SPIRE2: variants seen among roughly 807,000 people sequenced by gnomAD.
The protein encoded by SPIRE2 is protein spire homolog 2.
SPIRE2 carries 76 observed loss-of-function variants against 80.7 expected under a neutral mutation model. The ratio of observed to expected loss-of-function variants is 0.94; its 90% CI spans 0.78 to 1.14. SPIRE2 has a LOEUF of 1.14. Among genes scored for constraint, SPIRE2 ranks in the 50% most tolerant of loss-of-function variants. The pLI is 0.00. For missense variants in SPIRE2, 1,196 were observed against 1,015.3 expected (o/e 1.18, Z -2.42); for synonymous variants, 535 against 432.6 (o/e 1.24, Z -2.94).
At chr16:89,861,188 C>G (rs970216221) in intron 10 of SPIRE2, among the ~76,000 whole-genome samples, 1 of 152,198 alleles carries the variant, frequency 6.6e-6, no homozygotes, top group Admixed American at 6.5e-5. Context: ...CCTCTGCCCT[C>G]GGTTTCTTAT....
intron 1 of SPIRE2, among the ~76,000 whole-genome samples, chr16:89,839,965 T>G (rs2041488653): frequency 6.6e-6 from 1 of 152,228 alleles, no homozygotes; most frequent in Admixed American, 6.5e-5. Flanking sequence ...TGCGTGAGAT[T>G]GAGCAGGAGT....
At chr16:89,840,454 T>G (rs1449453751) in intron 1 of SPIRE2, among the ~76,000 whole-genome samples, 1 of 150,864 alleles carries the variant, frequency 6.6e-6, no homozygotes, top group African/African-American at 2.4e-5. Context: ...TTTCACCGTG[T>G]TAGCCAGGAT....
intron 2 of SPIRE2, among the ~76,000 whole-genome samples, chr16:89,849,583 G>A (rs751355223): frequency 1.3e-5 from 2 of 152,162 alleles, no homozygotes; most frequent in African/African-American, 2.4e-5. Flanking sequence ...TCCTGTGTCC[G>A]ACTGTGCTGC....
At chr16:89,867,998 A>G (rs966366276) in intron 12 of SPIRE2, among the ~76,000 whole-genome samples, 191 bp from the exon 13 acceptor site, 7 of 152,202 alleles carry the variant, frequency 4.6e-5, no homozygotes, top group African/African-American at 1.7e-4. Context: ...GAGCACATAT[A>G]TTTTGGGTGG....
intron 1 of SPIRE2, among the ~76,000 whole-genome samples, chr16:89,833,546 CAG>C (rs1321297401): frequency 2.0e-5 from 3 of 152,396 alleles, no homozygotes; most frequent in Admixed American, 1.3e-4. Context: ...CTGCTGGGCT[CAG>C]GGGCAGGTTC....
At chr16:89,836,004 G>A (rs557506380) in intron 1 of SPIRE2, among the ~76,000 whole-genome samples, 8 of 152,112 alleles carry the variant, frequency 5.3e-5, no homozygotes, top group South Asian at 2.1e-4. Context: ...GTGAAACCCC[G>A]TCTCTACTAA....
At chr16:89,860,831 A>AG in intron 10 of SPIRE2, 36 bp downstream of exon 10, 2 of 1,351,968 alleles carry the variant, frequency 1.5e-6, no homozygotes, top group Non-Finnish European at 9.8e-7. Flanking sequence ...AGGGCGGCCC[A>AG]GGGGGCGTCT....
chr16:89,840,395 G>A (rs563226866), intron 1 of SPIRE2, among the ~76,000 whole-genome samples: 171 of 151,524 alleles, frequency 1.1e-3, no homozygotes, highest in South Asian at 4.2e-3. Context: ...GACTACAGGC[G>A]CCCGCCACCA....
chr16:89,839,517 G>C (rs9935541), intron 1 of SPIRE2, among the ~76,000 whole-genome samples: 106,886 of 152,028 alleles, frequency 0.7, 39,448 homozygotes, highest in East Asian at 0.98. Context: ...CTAGTTCGTG[G>C]GTCTGCCAGG....
At chr16:89,834,966 G>A (rs1598216544) in intron 1 of SPIRE2, among the ~76,000 whole-genome samples, 1 of 148,668 alleles carries the variant, frequency 6.7e-6, no homozygotes, top group Non-Finnish European at 1.5e-5. Context: ...GGCCGTCGTA[G>A]AAGGCCCCAT....
At chr16:89,845,916 A>G in intron 2 of SPIRE2, 1 of 448,078 alleles carries the variant, frequency 2.2e-6, no homozygotes, top group East Asian at 4.1e-5. Context: ...TATTGTTTTG[A>G]GATGGAGTCG....
chr16:89,858,347 C>G lies in SPIRE2; in HGVS notation c.1112C>G (p.Ser371Cys). The change falls in exon 8 of 15, where the codon TCT becomes TGT. Residue 371 changes from serine to cysteine, a missense_variant. Coordinates refer to ENST00000378247, the MANE Select transcript of SPIRE2 (RefSeq NM_032451.2). ...GCTCCCGTCTCCCCAGGGTTTGGCT[C>G]TCTGCCCTGCATCCTCAACGCCTGC... ...GEGWAARGFG[S>C]LPCILNACSG... The G allele has an allele frequency of 6.2e-7, 1 of 1,601,556 alleles. No individual in the cohort carries two copies. Among genetic ancestry groups the G allele is most frequent in the South Asian group, 1.1e-5 (1 of 88,488 alleles).
At chr16:89,843,325 G>A (rs1328139608) in intron 1 of SPIRE2, among the ~76,000 whole-genome samples, 1 of 152,172 alleles carries the variant, frequency 6.6e-6, no homozygotes, top group African/African-American at 2.4e-5. Context: ...TCCAGCGTGA[G>A]CACCGGCAAA....
intron 8 of SPIRE2, among the ~76,000 whole-genome samples, 175 bp from the exon 9 acceptor site, chr16:89,858,990 T>C (rs1204724869): frequency 6.6e-6 from 1 of 152,132 alleles, no homozygotes; most frequent in Non-Finnish European, 1.5e-5. Flanking sequence ...AGGGCTTGGT[T>C]ACTCGGGTGC....
intron 3 of SPIRE2, among the ~76,000 whole-genome samples, chr16:89,850,922 C>T (rs1211664361): frequency 1.3e-5 from 2 of 152,012 alleles, no homozygotes; most frequent in African/African-American, 2.4e-5. Flanking sequence ...CTGCAACCTC[C>T]GCCTCCCAGG....
chr16:89,854,563 A>T lies in SPIRE2; in HGVS notation c.803A>T (p.Asn268Ile). 1 of 1,612,492 alleles carries T rather than the reference A, an allele frequency of 6.2e-7. No homozygotes were observed. Among genetic ancestry groups the T allele is most frequent in the Non-Finnish European group, 8.5e-7 (1 of 1,179,908 alleles). Residue 268 changes from asparagine (N) to isoleucine (I), a missense_variant, in exon 5 of 15, where the codon AAC becomes ATC. By Grantham distance (149) the Asn-to-Ile change is moderately radical. Transcript: ENST00000378247. ...AAGAAGGTGCAAGAGCAGGAGTTCAACCCCCTCCCCACCGAGTTCCAGCTC... is the reference window on the plus strand; with the variant it reads ...AAGAAGGTGCAAGAGCAGGAGTTCATCCCCCTCCCCACCGAGTTCCAGCTC... ...KLKKVQEQEF[N>I]PLPTEFQLTP...
intron 13 of SPIRE2, among the ~76,000 whole-genome samples, chr16:89,868,836 CAG>C (rs2041811310): frequency 6.6e-6 from 1 of 151,622 alleles, no homozygotes; most frequent in South Asian, 2.1e-4. Flanking sequence ...GCCTGGGTGA[CAG>C]AGACTCCGTC....
rs572967255 is a variant in SPIRE2 at position 89,832,790 on chromosome 16, TTTGCTCCTC to T, written c.244+3998_244+4006del. Among the ~76,000 whole-genome samples, 15 of 152,236 alleles carry T rather than the reference TTTGCTCCTC, an allele frequency of 9.9e-5. No individual in the cohort carries two copies. In the South Asian group the frequency reaches 2.1e-3, roughly 21 times the overall value. On this transcript the variant is annotated intron_variant, in intron 1 of 14. Coordinates refer to ENST00000378247, the MANE Select transcript of SPIRE2 (RefSeq NM_032451.2). ...TGAGCAGTGCCCTTCCATGCTCTTG[TTTGCTCCTC>T]TGATGAAGGGCCCTGTTTTTGTTGT...
At chr16:89,864,594 A>C (rs1050054278) in intron 12 of SPIRE2, among the ~76,000 whole-genome samples, 5 of 152,260 alleles carry the variant, frequency 3.3e-5, no homozygotes, top group African/African-American at 1.2e-4. Context: ...GCTCAGGGGC[A>C]GGAATGAGTA....
Sources: gnomAD v4.1 joint callset for allele counts (sites outside exome capture counted in the v4.1 genomes callset) on GRCh38, gnomAD v4.1.1 for gene constraint, MANE v1.5 for transcripts, NCBI Gene and HGNC (gene_info 2026-07-23, HGNC 2026-07-21) for gene names.